The following GMDS variants were observed in gnomAD, a reference collection of about 807,000 sequenced individuals.
GMDS encodes the protein GDP-mannose 4,6 dehydratase.
Under a neutral mutation model 49.9 loss-of-function variants are expected in GMDS, and 20 were observed. The ratio of observed to expected loss-of-function variants is 0.40; its 90% CI spans 0.28 to 0.58. The LOEUF (loss-of-function observed/expected upper bound fraction) is 0.58. GMDS is among the 20% of genes least tolerant of loss of function. GMDS has a pLI of 0.42. For synonymous variants in GMDS, 177 were observed against 178.6 expected (o/e 0.99, Z 0.07); for missense variants, 362 against 481.4 (o/e 0.75, Z 2.32).
In GMDS at chr6:1,944,233, G is replaced by A. The variant is rs1050120664; in HGVS notation, c.644-14003C>T. Among the ~76,000 whole-genome samples, 13 of 152,294 alleles carry A rather than the reference G, an allele frequency of 8.5e-5. No homozygotes were observed. The East Asian group carries it at 2.5e-3, about 29-fold the overall frequency. On this transcript the variant is annotated intron_variant, in intron 6 of 10. Transcript: ENST00000380815. ...CCTAAAATTTCACACTCAGCTGGGC[G>A]TTGGGGCTCATGCCTGTAATCCCAG...
intron 9 of GMDS, among the ~76,000 whole-genome samples, chr6:1,692,910 T>C (rs897240131): frequency 1.3e-5 from 2 of 152,252 alleles, no homozygotes; most frequent in Non-Finnish European, 2.9e-5. Context: ...TCCTGCTTCT[T>C]TGCAAGCTTG....
chr6:1,747,362 T>C (rs2113508126), intron 7 of GMDS, among the ~76,000 whole-genome samples: 1 of 152,310 alleles, frequency 6.6e-6, no homozygotes, highest in African/African-American at 2.4e-5. Context: ...ACAAGATTTG[T>C]TAATGAAGGT....
intron 9 of GMDS, among the ~76,000 whole-genome samples, chr6:1,650,417 T>G (rs983127280): frequency 1.3e-5 from 2 of 152,182 alleles, no homozygotes; most frequent in Non-Finnish European, 2.9e-5. Context: ...CTTGGTACAG[T>G]GGCACCTTTT....
chr6:1,953,367 T>C (rs1337811423), intron 6 of GMDS, among the ~76,000 whole-genome samples: 2 of 152,224 alleles, frequency 1.3e-5, no homozygotes, highest in Non-Finnish European at 2.9e-5. Flanking sequence ...TTATTCACAA[T>C]AGCTACTGTC....
intron 4 of GMDS, among the ~76,000 whole-genome samples, chr6:2,062,145 T>C (rs1216821480): frequency 6.6e-6 from 1 of 152,036 alleles, no homozygotes; most frequent in South Asian, 2.1e-4. Context: ...CTGCAGCAGG[T>C]CCTGAGGCAA....
intron 4 of GMDS, among the ~76,000 whole-genome samples, chr6:2,018,629 A>G (rs1429824858): frequency 2.0e-5 from 3 of 152,158 alleles, no homozygotes; most frequent in Non-Finnish European, 2.9e-5. Context: ...TTCACTTACC[A>G]TAATGTTTTC....
chr6:2,089,107 T>G (rs1160425487), intron 4 of GMDS, among the ~76,000 whole-genome samples: 1 of 152,226 alleles, frequency 6.6e-6, no homozygotes, highest in African/African-American at 2.4e-5. Flanking sequence ...TTTAAAATAC[T>G]GTTATCCAGT....
At chr6:1,728,506 C>T (rs972956218) in intron 8 of GMDS, among the ~76,000 whole-genome samples, 2 of 152,172 alleles carry the variant, frequency 1.3e-5, no homozygotes, top group South Asian at 2.1e-4. Context: ...GACTTATGTG[C>T]GCACCAATAT....
intron 1 of GMDS, among the ~76,000 whole-genome samples, chr6:2,237,518 CTTT>C (rs397885506): frequency 5.6e-5 from 7 of 125,844 alleles, no homozygotes; most frequent in Non-Finnish European, 8.3e-5. Context: ...TTGGAAGTAC[CTTT>C]TTTTTTTTTT....
At chr6:1,905,801 C>T (rs868827829) in intron 7 of GMDS, among the ~76,000 whole-genome samples, 47 of 101,200 alleles carry the variant, frequency 4.6e-4, no homozygotes, top group South Asian at 6.6e-4. Context: ...GCTGTGGGTG[C>T]TGGCTTGTAG....
chr6:2,109,968 C>T (rs1774451429), intron 4 of GMDS, among the ~76,000 whole-genome samples: 1 of 152,202 alleles, frequency 6.6e-6, no homozygotes, highest in Non-Finnish European at 1.5e-5. Context: ...CTCACACCTC[C>T]CTGTCAGGCT....
In GMDS at chr6:2,205,321, T is replaced by TC. The variant is rs1581794101; in HGVS notation, c.102+39999dup. 2.0e-5 allele frequency among the ~76,000 whole-genome samples: 3 copies of TC among 152,104 alleles called. No individual in the cohort carries two copies. The South Asian group carries it at 6.2e-4, about 32-fold the overall frequency. On this transcript the variant is annotated intron_variant, in intron 1 of 10. Coordinates refer to ENST00000380815, the MANE Select transcript of GMDS (RefSeq NM_001500.4). ...GTTCACCATTAGTTGCATATAAAACTCCCCCATTGAAAAGTTCATCTCCTT... is the reference window on the plus strand; with the variant it reads ...GTTCACCATTAGTTGCATATAAAACTCCCCCCATTGAAAAGTTCATCTCCTT...
chr6:1,790,934 T>A (rs1262775002), intron 7 of GMDS, among the ~76,000 whole-genome samples: 1 of 152,120 alleles, frequency 6.6e-6, no homozygotes, highest in Non-Finnish European at 1.5e-5. Context: ...AAGAGAATGC[T>A]GAGTTGGGGA....
intron 6 of GMDS, among the ~76,000 whole-genome samples, chr6:1,943,289 G>A (rs1237123284): frequency 2.6e-5 from 4 of 152,166 alleles, no homozygotes; most frequent in African/African-American, 9.7e-5. Flanking sequence ...AGGGTTTCCT[G>A]ACTCCTCCCC....
At chr6:1,898,223 G>A (rs1008894683) in intron 7 of GMDS, among the ~76,000 whole-genome samples, 7 of 152,180 alleles carry the variant, frequency 4.6e-5, no homozygotes, top group Non-Finnish European at 7.3e-5. Flanking sequence ...ATCCCACCCC[G>A]GAAGAGACCC....
intron 7 of GMDS, among the ~76,000 whole-genome samples, chr6:1,881,840 G>C (rs185055831): frequency 2.0e-5 from 3 of 152,320 alleles, no homozygotes; most frequent in African/African-American, 7.2e-5. Context: ...GATCTGGCAA[G>C]ATGACCAACA....
intron 7 of GMDS, among the ~76,000 whole-genome samples, chr6:1,917,816 A>T (rs1017637000): frequency 6.6e-6 from 1 of 152,198 alleles, no homozygotes; most frequent in African/African-American, 2.4e-5. Flanking sequence ...CCTCCAACAC[A>T]GGCACCCACA....
intron 4 of GMDS, among the ~76,000 whole-genome samples, chr6:2,067,055 A>G (rs1410991334): frequency 8.6e-5 from 13 of 151,798 alleles, no homozygotes; most frequent in South Asian, 6.2e-4. Context: ...AGAAATTATA[A>G]CAAACTATCT....
At chr6:1,657,323 G>A (rs547221060) in intron 9 of GMDS, among the ~76,000 whole-genome samples, 1 of 152,288 alleles carries the variant, frequency 6.6e-6, no homozygotes, top group African/African-American at 2.4e-5. Flanking sequence ...AGCACCCATC[G>A]ACCTCTGTGC....
Sources: gnomAD v4.1 joint callset for allele counts (sites outside exome capture counted in the v4.1 genomes callset) on GRCh38, gnomAD v4.1.1 for gene constraint, MANE v1.5 for transcripts, NCBI Gene and HGNC (gene_info 2026-07-23, HGNC 2026-07-21) for gene names.